NOTCH2: variants seen among roughly 807,000 people sequenced by gnomAD.
The protein encoded by NOTCH2 is notch receptor 2, also known as neurogenic locus notch homolog protein 2.
Under a neutral mutation model 235.8 loss-of-function variants are expected in NOTCH2, and 29 were observed. The observed-to-expected ratio is 0.12, with a 90% confidence interval of 0.09 to 0.17. The LOEUF (loss-of-function observed/expected upper bound fraction) is 0.17. NOTCH2 is among the 10% of genes least tolerant of loss of function. NOTCH2 has a pLI of 1.00. For synonymous variants in NOTCH2, 1,086 were observed against 1,141.5 expected (o/e 0.95, Z 0.98); for missense variants, 2,285 against 3,150.2 (o/e 0.73, Z 6.57).
intron 1 of NOTCH2, among the ~76,000 whole-genome samples, chr1:120,038,957 C>G (rs1654430402): frequency 6.6e-6 from 1 of 151,780 alleles, no homozygotes; most frequent in Non-Finnish European, 1.5e-5. Flanking sequence ...TGAATGGAAG[C>G]CAAAATAATT....
intron 5 of NOTCH2, among the ~76,000 whole-genome samples, chr1:119,969,994 A>T (rs370920045): frequency 3.3e-5 from 5 of 152,332 alleles, no homozygotes; most frequent in African/African-American, 1.2e-4. Flanking sequence ...GGTTTAGCCA[A>T]CTTATCAAAG....
intron 5 of NOTCH2, among the ~76,000 whole-genome samples, chr1:119,979,756 T>C (rs1267881285): frequency 2.0e-5 from 3 of 152,256 alleles, no homozygotes; most frequent in African/African-American, 7.2e-5. Flanking sequence ...TATGTATATG[T>C]TTATAAATTT....
intron 2 of NOTCH2, among the ~76,000 whole-genome samples, chr1:120,012,628 G>A (rs1653247559): frequency 1.3e-5 from 2 of 151,950 alleles, no homozygotes; most frequent in African/African-American, 4.8e-5. Context: ...GAAACCAAAT[G>A]GTCTGAACCC....
intron 1 of NOTCH2, among the ~76,000 whole-genome samples, chr1:120,031,166 C>G (rs1226329558): frequency 2.7e-5 from 4 of 147,666 alleles, no homozygotes; most frequent in Non-Finnish European, 4.5e-5. Context: ...GCCTGGCCAT[C>G]CCTGGCCACG....
At chr1:119,999,976 AAAGG>A (rs58775950) in intron 3 of NOTCH2, among the ~76,000 whole-genome samples, 1,338 of 56,368 alleles carry the variant, frequency 0.024, 45 homozygotes, top group Middle Eastern at 0.046. Context: ...AGAAAGAAAG[AAAGG>A]AAGGAAGGAA....
In NOTCH2 at chr1:120,069,589, C is replaced by T. The variant is rs879979797; in HGVS notation, c.-183G>A. On this transcript the variant is annotated 5_prime_UTR_variant, in exon 1 of 34. Coordinates refer to ENST00000256646, the MANE Select transcript of NOTCH2 (RefSeq NM_024408.4). ...TCGACTCCCCGCGCCCCGAGTCCGCCGCTCCTCGGCCGCCGCCTCAGCCGC... is the reference window on the plus strand; with the variant it reads ...TCGACTCCCCGCGCCCCGAGTCCGCTGCTCCTCGGCCGCCGCCTCAGCCGC... 2 of 1,407,318 alleles carry T rather than the reference C, an allele frequency of 1.4e-6. No individual in the cohort carries two copies. Among genetic ancestry groups the T allele is most frequent in the African/African-American group, 1.5e-5 (1 of 65,802 alleles). The allele number at this position is 1,407,318 out of a possible 1,614,324, so 87.2% of individuals were successfully genotyped here.
At chr1:119,959,939 C>G (rs947508746) in intron 11 of NOTCH2, among the ~76,000 whole-genome samples, 1 of 152,140 alleles carries the variant, frequency 6.6e-6, no homozygotes, top group Non-Finnish European at 1.5e-5. Context: ...AAATCTCGAA[C>G]CTTGAGTAAT....
In NOTCH2 at chr1:119,919,540, T is replaced by C. The variant is rs1048589629; in HGVS notation, c.5553A>G (p.Ala1851=). 5.0e-6 allele frequency: 8 copies of C among 1,614,026 alleles called. No homozygotes were observed. The highest frequency in any genetic ancestry group is 6.8e-6 in the Non-Finnish European group (8 of 1,180,046). The change falls in exon 31 of 34, where the codon GCA becomes GCG. Residue 1851 remains alanine (A), a synonymous_variant. Coordinates refer to ENST00000256646, the MANE Select transcript of NOTCH2 (RefSeq NM_024408.4). The part of the protein sequence containing the change: ...SSDLSDEDED[A]EDSSANIITD... The stretch of plus-strand genomic sequence containing the variant: ...TGATGATGTTAGCAGAAGAGTCCTC[T>C]GCATCTTCATCTTCATCACTCAAAT...
chr1:119,912,516 A>G lies in NOTCH2; in HGVS notation c.*2790T>C, dbSNP rs1648927447. The G allele has an allele frequency of 4.3e-6, 1 of 233,150 alleles. No individual in the cohort carries two copies. The highest frequency in any genetic ancestry group is 8.5e-6 in the Non-Finnish European group (1 of 117,994). 14.4% of individuals were successfully genotyped at this position (233,150 alleles called of 1,614,324 possible). ...TTAATTCTCAGACTCTCTTTCCCTC[A>G]TACCTTTCCCTTCCCCACCTCACAT... On this transcript the variant is annotated 3_prime_UTR_variant, in exon 34 of 34. Transcript: ENST00000256646.
In NOTCH2 at chr1:119,920,321, G is replaced by A. The variant is rs2101151526; in HGVS notation, c.5387C>T (p.Ala1796Val). 6.2e-7 allele frequency: 1 copy of A among 1,614,206 alleles called. No individual in the cohort carries two copies. The highest frequency in any genetic ancestry group is 8.5e-7 in the Non-Finnish European group (1 of 1,180,022). Residue 1796 changes from alanine to valine, a missense_variant, in exon 30 of 34, where the codon GCT (alanine) becomes GTT (valine). Ala to Val is a moderately conservative substitution (Grantham distance 64). Coordinates refer to ENST00000256646, the MANE Select transcript of NOTCH2 (RefSeq NM_024408.4). ...RRPWTQQHLE[A>V]ADIRRTPSLA... Reference sequence around the variant, plus strand: ...CGATGGTGTCCTACGGATGTCTGCAGCTTCAAGGTGCTGCTGTGTCCATGG... The same window carrying A: ...CGATGGTGTCCTACGGATGTCTGCAACTTCAAGGTGCTGCTGTGTCCATGG...
intron 17 of NOTCH2, among the ~76,000 whole-genome samples, chr1:119,943,904 C>T (rs1553196757): frequency 6.6e-6 from 1 of 151,886 alleles, no homozygotes; most frequent in Admixed American, 6.6e-5. Flanking sequence ...ATTAAACTTC[C>T]ACATATAAAA....
chr1:120,053,585 G>GA lies in NOTCH2; in HGVS notation c.73+15748dup, dbSNP rs587660877. On this transcript the variant is annotated intron_variant, in intron 1 of 33. Transcript: ENST00000256646. Reference sequence around the variant, plus strand: ...ACGCAAAAGATTTTTAAAAGCTTTTGATTCACAGTGAGTTAACCTACAAAC... The same window carrying GA: ...ACGCAAAAGATTTTTAAAAGCTTTTGAATTCACAGTGAGTTAACCTACAAAC... Among the ~76,000 whole-genome samples, 20 of 129,538 alleles carry GA rather than the reference G, an allele frequency of 1.5e-4. No homozygotes were observed. The East Asian group carries it at 4.2e-3, about 27-fold the overall frequency. The allele number at this position is 129,538 out of a possible 152,430, so 85.0% of individuals were successfully genotyped here.
At chr1:119,937,017 G>A (rs1649877702) in intron 21 of NOTCH2, among the ~76,000 whole-genome samples, 1 of 152,140 alleles carries the variant, frequency 6.6e-6, no homozygotes, top group Non-Finnish European at 1.5e-5. Context: ...ATGCACTCTG[G>A]TAGTGACTCT....
Position 119,923,961 on chromosome 1 carries a change from T to C in NOTCH2, c.4535A>G (p.His1512Arg). The C allele has an allele frequency of 6.2e-7, 1 of 1,614,176 alleles. No individual in the cohort carries two copies. The change falls in exon 26 of 34, where the codon CAC becomes CGC. Residue 1512 changes from histidine (H) to arginine (R), a missense_variant. This residue lies in a region of NOTCH2 where 1,173 missense variants were observed against 1,515.3 expected (regional missense o/e 0.77). Transcript: ENST00000256646. ...TCKYDKYCAD[H>R]FKDNHCDQGC... ...CTGGTCACAGTGGTTGTCTTTGAAG[T>C]GGTCTGCACAGTATTTGTCATACCT...
At position 119,912,777 on chromosome 1, in the gene NOTCH2, A is replaced by C. The variant is rs1162773025; in HGVS notation, c.*2529T>G. On this transcript the variant is annotated 3_prime_UTR_variant, in exon 34 of 34. Transcript: ENST00000256646. ...TATCCATCTTACCTTCCCTTTTATT[A>C]GATACCACACAATTCAAGAGTTCTT... 4.3e-6 allele frequency: 1 copy of C among 233,542 alleles called. No individual in the cohort carries two copies. Among genetic ancestry groups the C allele is most frequent in the Non-Finnish European group, 8.5e-6 (1 of 118,036 alleles). 14.5% of individuals were successfully genotyped at this position (233,542 alleles called of 1,614,324 possible). A position where few individuals can be genotyped will look rare whatever the true frequency, so the allele number is the denominator to read the frequency against.
In NOTCH2 at chr1:119,915,905, C is replaced by G. The variant is rs761134514; in HGVS notation, c.6817G>C (p.Ala2273Pro). 2 of 1,614,162 alleles carry G rather than the reference C, an allele frequency of 1.2e-6. No homozygotes were observed. Among genetic ancestry groups the G allele is most frequent in the African/African-American group, 1.3e-5 (1 of 75,048 alleles). Residue 2273 changes from alanine to proline, a missense_variant, in exon 34 of 34, where the codon GCT becomes CCT. Coordinates refer to ENST00000256646, the MANE Select transcript of NOTCH2 (RefSeq NM_024408.4). ...QYNEMFGMVL[A>P]PAEGTHPGIA... ...CCAGGATGGGTGCCCTCAGCTGGAG[C>G]CAGGACCATACCAAACATCTCATTG...
At chr1:119,954,175 C>G (rs1553198150) in intron 13 of NOTCH2, among the ~76,000 whole-genome samples, 1 of 151,998 alleles carries the variant, frequency 6.6e-6, no homozygotes, top group East Asian at 1.9e-4. Flanking sequence ...TCAGAAAGCA[C>G]CTAGGGTATT....
At chr1:119,925,890 TCCA>T (rs1649457457) in intron 24 of NOTCH2, 80 bp from the exon 25 acceptor site, 2 of 1,508,852 alleles carry the variant, frequency 1.3e-6, no homozygotes, top group Non-Finnish European at 1.8e-6. Context: ...CTAGAAAACC[TCCA>T]CATCTCACTC....
chr1:119,925,808 T>A lies in NOTCH2; in HGVS notation c.4008A>T (p.Gly1336=). 6.2e-7 allele frequency: 1 copy of A among 1,613,864 alleles called. No homozygotes were observed. The highest frequency in any genetic ancestry group is 8.5e-7 in the Non-Finnish European group (1 of 1,179,972). Residue 1336 remains glycine, a splice_region_variant and synonymous_variant, in exon 25 of 34, where the codon GGA becomes GGT. Coordinates refer to ENST00000256646, the MANE Select transcript of NOTCH2 (RefSeq NM_024408.4). Reference sequence around the variant, plus strand: ...TGCTCTGGCACCTTGCCCCGGAAAATCCCTGTGGAAATCAGTGAGGAAATA... The same window carrying A: ...TGCTCTGGCACCTTGCCCCGGAAAAACCCTGTGGAAATCAGTGAGGAAATA... ...PDGFICRCPP[G]FSGARCQSSC...
Sources: allele counts gnomAD v4.1 joint callset (sites outside exome capture counted in the v4.1 genomes callset), GRCh38; gene constraint gnomAD v4.1.1; regional missense constraint gnomAD v4.1.1; transcripts MANE v1.5; gene names NCBI Gene and HGNC (gene_info 2026-07-23, HGNC 2026-07-21).